The following HIBADH variants were observed in gnomAD, a reference collection of about 807,000 sequenced individuals.
HIBADH encodes the protein 3-hydroxyisobutyrate dehydrogenase, mitochondrial.
A neutral mutation model predicts 36.1 loss-of-function variants in HIBADH; 25 were observed. That is an observed-to-expected ratio of 0.69 (90% CI 0.50 to 0.97). The LOEUF (loss-of-function observed/expected upper bound fraction) is 0.97, where lower values mean the gene tolerates loss of function less well. Ranked by LOEUF, HIBADH falls within the 50% of genes least tolerant of loss-of-function variation. The pLI, the probability that HIBADH is intolerant of heterozygous loss-of-function variation, is 0.00. For synonymous variants in HIBADH, 160 were observed against 149.5 expected (o/e 1.07, Z -0.51); for missense variants, 421 against 418.0 (o/e 1.01, Z -0.06).
intron 5 of HIBADH, among the ~76,000 whole-genome samples, chr7:27,541,027 T>C (rs1211428107): frequency 1.3e-5 from 2 of 152,160 alleles, no homozygotes; most frequent in Admixed American, 6.6e-5. Context: ...GTCCTGATTT[T>C]CAACCCAACT....
In HIBADH at chr7:27,634,431, C is replaced by T. The variant is rs758966379; in HGVS notation, c.253-1986G>A. Among the ~76,000 whole-genome samples the T allele has an allele frequency of 8.0e-4, 122 of 152,038 alleles. 1 individual carries two copies. Among genetic ancestry groups the T allele is most frequent in the Non-Finnish European group, 2.8e-4 (19 of 68,020 alleles). The stretch of plus-strand genomic sequence containing the variant: ...AATATTGAGACTCTAGAAGAGGCAA[C>T]TATTTCCTGGCAAACAGTTCAAGTT... On this transcript the variant is annotated intron_variant, in intron 2 of 7. Coordinates refer to ENST00000265395, the MANE Select transcript of HIBADH (RefSeq NM_152740.4).
rs539335962 is a variant in HIBADH, at chr7:27,527,368, T to C, written c.853-996A>G. Reference sequence around the variant, plus strand: ...GAGAAGATCAGGCTGAAAGACAAGATCAGTTAAGATGTATTTGTGGTACAA... The same window carrying C: ...GAGAAGATCAGGCTGAAAGACAAGACCAGTTAAGATGTATTTGTGGTACAA... On this transcript the variant is annotated intron_variant, in intron 7 of 7. Transcript: ENST00000265395. Among the ~76,000 whole-genome samples, 5 of 152,198 alleles carry C rather than the reference T, an allele frequency of 3.3e-5. No homozygotes were observed. The South Asian group carries it at 1.0e-3, about 32-fold the overall frequency.
intron 4 of HIBADH, among the ~76,000 whole-genome samples, chr7:27,621,245 G>C (rs1785536633): frequency 6.6e-6 from 1 of 151,974 alleles, no homozygotes; most frequent in Non-Finnish European, 1.5e-5. Flanking sequence ...AATATTACTA[G>C]ATCTGAAAGA....
chr7:27,592,487 C>T (rs1321836529), intron 4 of HIBADH, among the ~76,000 whole-genome samples: 1 of 152,058 alleles, frequency 6.6e-6, no homozygotes, highest in Admixed American at 6.5e-5. Context: ...GTACTCAGAC[C>T]AACTTGGTTA....
chr7:27,643,014 A>G (rs1360378448), intron 2 of HIBADH, among the ~76,000 whole-genome samples: 1 of 152,166 alleles, frequency 6.6e-6, no homozygotes, highest in African/African-American at 2.4e-5. Context: ...CACATATTTT[A>G]CTAAAAACTA....
chr7:27,597,537 A>G (rs1019907426), intron 4 of HIBADH, among the ~76,000 whole-genome samples: 4 of 151,998 alleles, frequency 2.6e-5, no homozygotes, highest in East Asian at 1.9e-4. Flanking sequence ...CTACACCACT[A>G]TAAGAGGCAC....
intron 1 of HIBADH, among the ~76,000 whole-genome samples, chr7:27,650,279 C>A (rs201706668): frequency 3.0e-4 from 41 of 138,920 alleles, no homozygotes; most frequent in South Asian, 4.5e-4. Flanking sequence ...TCCAATGATA[C>A]AAAAAAAAAA....
At chr7:27,567,600 CTTT>C (rs1337424114) in intron 4 of HIBADH, among the ~76,000 whole-genome samples, 2 of 152,154 alleles carry the variant, frequency 1.3e-5, no homozygotes, top group East Asian at 3.9e-4. Flanking sequence ...TTGAATATTT[CTTT>C]GATATTCCAT....
intron 4 of HIBADH, among the ~76,000 whole-genome samples, chr7:27,611,097 G>A (rs1437895633): frequency 6.6e-6 from 1 of 152,112 alleles, no homozygotes; most frequent in Non-Finnish European, 1.5e-5. Context: ...TATAAAATTT[G>A]GTTTTCTGGT....
At chr7:27,553,729 A>G (rs1226409300) in intron 4 of HIBADH, among the ~76,000 whole-genome samples, 1 of 152,228 alleles carries the variant, frequency 6.6e-6, no homozygotes, top group African/African-American at 2.4e-5. Flanking sequence ...ATAAAACACT[A>G]AACTCCTGAA....
chr7:27,593,038 C>G (rs947496571), intron 4 of HIBADH, among the ~76,000 whole-genome samples: 1 of 152,064 alleles, frequency 6.6e-6, no homozygotes, highest in Non-Finnish European at 1.5e-5. Flanking sequence ...CTTTCCTGAC[C>G]TCCAAGAAAA....
At chr7:27,629,995 T>G (rs1469525109) in intron 3 of HIBADH, among the ~76,000 whole-genome samples, 2 of 152,130 alleles carry the variant, frequency 1.3e-5, no homozygotes, top group African/African-American at 2.4e-5. Context: ...CCATTTGTGT[T>G]GGGATGGCAT....
intron 4 of HIBADH, among the ~76,000 whole-genome samples, chr7:27,571,619 T>C (rs1784629952): frequency 6.6e-6 from 1 of 152,222 alleles, no homozygotes; most frequent in South Asian, 2.1e-4. Flanking sequence ...AATATTTTTG[T>C]TTCTGTTGGC....
chr7:27,539,468 A>AGT (rs139346777), intron 5 of HIBADH, among the ~76,000 whole-genome samples: 5,701 of 151,626 alleles, frequency 0.038, 132 homozygotes, highest in South Asian at 0.093. Flanking sequence ...GAGGAGAGAG[A>AGT]GTGTGTGTGT....
At chr7:27,554,803 C>A (rs1443590039) in intron 4 of HIBADH, among the ~76,000 whole-genome samples, 1 of 152,184 alleles carries the variant, frequency 6.6e-6, no homozygotes, top group Non-Finnish European at 1.5e-5. Flanking sequence ...ATAAGCTACA[C>A]TTGGCTAACC....
chr7:27,541,169 G>A (rs1444254419), intron 5 of HIBADH, among the ~76,000 whole-genome samples: 3 of 143,746 alleles, frequency 2.1e-5, no homozygotes, highest in African/African-American at 7.8e-5. Flanking sequence ...GGGCACTTCT[G>A]TCTGCATTAA....
Position 27,543,024 on chromosome 7 carries a change from C to T in HIBADH, c.561G>A (p.Glu187=). 6.2e-7 allele frequency: 1 copy of T among 1,613,888 alleles called. No individual in the cohort carries two copies. The highest frequency in any genetic ancestry group is 8.5e-7 in the Non-Finnish European group (1 of 1,179,894). ...GVEDEFAAAQ[E]LLGCMGSNVV... ...CGTTGGAGCCCATGCACCCCAGCAA[C>T]TCTTGGGCAGCAGCAAATTCATCTT... The change falls in exon 5 of 8, where the codon GAG becomes GAA. Residue 187 remains glutamate (E), a synonymous_variant. Coordinates refer to ENST00000265395, the MANE Select transcript of HIBADH (RefSeq NM_152740.4).
chr7:27,650,195 G>A (rs1056369507), intron 1 of HIBADH, among the ~76,000 whole-genome samples: 2 of 150,792 alleles, frequency 1.3e-5, no homozygotes, highest in Non-Finnish European at 3.0e-5. Context: ...TCAAAAAGAC[G>A]TAAGTCTTGG....
intron 4 of HIBADH, among the ~76,000 whole-genome samples, chr7:27,574,555 C>A (rs1033475392): frequency 3.9e-5 from 6 of 152,062 alleles, no homozygotes; most frequent in Non-Finnish European, 8.8e-5. Context: ...TAGCTTCTGT[C>A]ATAACTAAGT....
Sources: gnomAD v4.1 joint callset for allele counts (sites outside exome capture counted in the v4.1 genomes callset) on GRCh38, gnomAD v4.1.1 for gene constraint, MANE v1.5 for transcripts, NCBI Gene and HGNC (gene_info 2026-07-23, HGNC 2026-07-21) for gene names.